Variants in CDH4 observed in about 807,000 individuals in gnomAD.
The protein encoded by CDH4 is cadherin 4, also known as cadherin-4.
CDH4 carries 33 observed loss-of-function variants against 86.0 expected under a neutral mutation model. The ratio of observed to expected loss-of-function variants is 0.38; its 90% CI spans 0.29 to 0.51. The LOEUF (loss-of-function observed/expected upper bound fraction) is 0.51, where lower values mean the gene tolerates loss of function less well. Among genes scored for constraint, CDH4 ranks in the 20% least tolerant of loss-of-function variants. CDH4 has a pLI of 0.86. For synonymous variants in CDH4, 555 were observed against 549.4 expected, an observed-to-expected ratio of 1.01 and a Z score of -0.14; for missense variants, 1,114 against 1,307.4, an observed-to-expected ratio of 0.85 and a Z score of 2.28.
At chr20:61,838,353 G>A (rs773067768) in intron 4 of CDH4, among the ~76,000 whole-genome samples, 11 of 152,118 alleles carry the variant, frequency 7.2e-5, no homozygotes, top group African/African-American at 2.7e-4. Context: ...TGCAATGCAG[G>A]CAGGGGAACA....
At chr20:61,689,934 T>C (rs2087634191) in intron 2 of CDH4, among the ~76,000 whole-genome samples, 1 of 140,588 alleles carries the variant, frequency 7.1e-6, no homozygotes, top group Non-Finnish European at 1.5e-5. Flanking sequence ...GGTGAGGTGA[T>C]GTGGAATCAG....
chr20:61,618,427 G>A (rs1032570242), intron 2 of CDH4, among the ~76,000 whole-genome samples: 1 of 152,136 alleles, frequency 6.6e-6, no homozygotes, highest in African/African-American at 2.4e-5. Flanking sequence ...AATCAACAAA[G>A]GACAAGCAAA....
chr20:61,391,257 AG>A (rs2084983839), intron 2 of CDH4, among the ~76,000 whole-genome samples: 1 of 152,014 alleles, frequency 6.6e-6, no homozygotes, highest in South Asian at 2.1e-4. Flanking sequence ...AGTGCCATTT[AG>A]GGAGAGGGGC....
At chr20:61,565,217 G>GTGATGGTGGTGCTGGTCCTCTTGGTGT (rs1568688459) in intron 2 of CDH4, among the ~76,000 whole-genome samples, 1 of 55,776 alleles carries the variant, frequency 1.8e-5, no homozygotes, top group Non-Finnish European at 4.1e-5. Context: ...GGTGCTCTCG[G>GTGATGGTGGTGCTGGTCCTCTTGGTGT]TGGTAGGTGG....
At chr20:61,315,408 G>T (rs1436963365) in intron 2 of CDH4, among the ~76,000 whole-genome samples, 2 of 152,182 alleles carry the variant, frequency 1.3e-5, no homozygotes, top group Non-Finnish European at 2.9e-5. Context: ...GGGGACAGGT[G>T]GGTGCCCTGA....
rs888541106 is a variant in CDH4 at position 61,930,857 on chromosome 20, C to A, written c.2239+1015C>A. Among the ~76,000 whole-genome samples the A allele has an allele frequency of 5.8e-4, 88 of 152,258 alleles. 2 individuals are homozygous for A. Among genetic ancestry groups the A allele is most frequent in the Non-Finnish European group, 1.2e-4 (8 of 68,040 alleles). ...AAGGTGGAGGCATTCTCACCGATGT[C>A]CCCTGCTCTGGAAACACCGGGGGCC... On this transcript the variant is annotated intron_variant, in intron 13 of 15. Transcript: ENST00000614565.
At chr20:61,307,952 G>A (rs867895178) in intron 2 of CDH4, among the ~76,000 whole-genome samples, 2 of 152,216 alleles carry the variant, frequency 1.3e-5, no homozygotes, top group Non-Finnish European at 2.9e-5. Context: ...GTCACTAGTG[G>A]TGTCACCGTA....
At chr20:61,532,101 G>C (rs903521289) in intron 2 of CDH4, among the ~76,000 whole-genome samples, 1 of 152,196 alleles carries the variant, frequency 6.6e-6, no homozygotes, top group Non-Finnish European at 1.5e-5. Flanking sequence ...GTGTGAGCAA[G>C]ACCCTAAGAA....
At chr20:61,257,246 C>T (rs956463514) in intron 2 of CDH4, among the ~76,000 whole-genome samples, 2 of 152,230 alleles carry the variant, frequency 1.3e-5, no homozygotes, top group Admixed American at 1.3e-4. Context: ...AGTCAGCTCA[C>T]AGCAGCCCCA....
chr20:61,579,215 G>A (rs1359039565), intron 2 of CDH4, among the ~76,000 whole-genome samples: 2 of 151,814 alleles, frequency 1.3e-5, no homozygotes, highest in Admixed American at 6.6e-5. Flanking sequence ...TACCCCACTC[G>A]AGCAGGGGAG....
In CDH4 at chr20:61,807,186, C is replaced by T. The variant is rs1980184826; in HGVS notation, c.576+34004C>T. Among the ~76,000 whole-genome samples, 1 of 152,192 alleles carries T rather than the reference C, an allele frequency of 6.6e-6. No individual in the cohort carries two copies. Among genetic ancestry groups the T allele is most frequent in the Non-Finnish European group, 1.5e-5 (1 of 68,036 alleles). On this transcript the variant is annotated intron_variant, in intron 4 of 15. Coordinates refer to ENST00000614565, the MANE Select transcript of CDH4 (RefSeq NM_001794.5). The surrounding 1 kb of genome is among the most constrained non-coding windows in gnomAD (Gnocchi z 4.5). ...GGGCCTCGGGAGGTGCCTGGTGGGT[C>T]CTGCCAGACAGAGGAGTGGCCTGTG... is the stretch of plus-strand genomic sequence containing the variant.
chr20:61,667,919 CA>C (rs1206866597), intron 2 of CDH4, among the ~76,000 whole-genome samples: 1 of 152,206 alleles, frequency 6.6e-6, no homozygotes, highest in Non-Finnish European at 1.5e-5. Flanking sequence ...CTGAGGCTGC[CA>C]AATGTCGCAT....
Position 61,274,026 on chromosome 20 carries a change from C to T in CDH4, c.169+19089C>T, listed in dbSNP as rs184929297. ...CACCATGCACAGTTTGGGGGAGTAC[C>T]GTGTGCAGTTTGGGGGAGTACCATG... On this transcript the variant is annotated intron_variant, in intron 2 of 15. Transcript: ENST00000614565. 1.8e-3 allele frequency among the ~76,000 whole-genome samples: 155 copies of T among 83,792 alleles called. 1 individual carries two copies. Among genetic ancestry groups the T allele is most frequent in the East Asian group, 9.7e-3 (26 of 2,688 alleles). 55.0% of individuals were successfully genotyped at this position (83,792 alleles called of 152,430 possible).
chr20:61,512,740 C>T (rs1176036116), intron 2 of CDH4, among the ~76,000 whole-genome samples: 1 of 152,170 alleles, frequency 6.6e-6, no homozygotes, highest in Non-Finnish European at 1.5e-5. Flanking sequence ...CCTTGGGGGC[C>T]GCCGCTGATG....
intron 2 of CDH4, among the ~76,000 whole-genome samples, chr20:61,531,245 G>T (rs1367964607): frequency 1.3e-5 from 2 of 152,164 alleles, no homozygotes; most frequent in African/African-American, 4.8e-5. Flanking sequence ...GCCGAGACAG[G>T]TGGATCACCT....
chr20:61,323,203 C>G (rs879902212), intron 2 of CDH4, among the ~76,000 whole-genome samples: 1 of 152,192 alleles, frequency 6.6e-6, no homozygotes, highest in Non-Finnish European at 1.5e-5. Flanking sequence ...GGGGAGTGTG[C>G]ACCTAGAGGA....
At chr20:61,701,541 G>A (rs2087776104) in intron 2 of CDH4, among the ~76,000 whole-genome samples, 1 of 152,226 alleles carries the variant, frequency 6.6e-6, no homozygotes, top group Non-Finnish European at 1.5e-5. Flanking sequence ...CACTGGGTGG[G>A]GACCAGCCCT....
intron 2 of CDH4, among the ~76,000 whole-genome samples, chr20:61,725,302 G>C (rs190383338): frequency 6.6e-6 from 1 of 152,152 alleles, no homozygotes; most frequent in Non-Finnish European, 1.5e-5. Context: ...TCCCCGAGCT[G>C]GTCATAGACA....
chr20:61,370,614 A>C (rs1386881056), intron 2 of CDH4: 1 of 152,266 alleles, frequency 6.6e-6, no homozygotes, highest in East Asian at 1.9e-4. Context: ...TGCCTGCATT[A>C]AGGGAAGACA....
Sources: gnomAD v4.1 joint callset for allele counts (sites outside exome capture counted in the v4.1 genomes callset) on GRCh38, gnomAD v4.1.1 for gene constraint, Gnocchi (gnomAD v3.1) non-coding constraint, MANE v1.5 for transcripts, NCBI Gene and HGNC (gene_info 2026-07-23, HGNC 2026-07-21) for gene names.